C19orf25: variants seen among roughly 807,000 people sequenced by gnomAD.
C19orf25 encodes the protein chromosome 19 open reading frame 25.
In C19orf25, 1 loss-of-function variant was observed where a neutral mutation model predicts 3.1. The ratio of observed to expected loss-of-function variants is 0.32; its 90% confidence interval spans 0.12 to 1.54. The LOEUF is 1.54. Ranked by LOEUF, C19orf25 falls within the 40% of genes most tolerant of loss-of-function variation. The pLI, the probability that C19orf25 is intolerant of heterozygous loss-of-function variation, is 0.38. For missense variants in C19orf25, 196 were observed against 160.4 expected (o/e 1.22, Z -1.20); for synonymous variants, 91 against 74.3 (o/e 1.23, Z -1.16).
At position 1,473,305 on chromosome 19, in the gene C19orf25, T is replaced by A. The variant is rs1227839874; in HGVS notation, c.*1727A>T. 2 of 152,282 alleles carry A rather than the reference T, an allele frequency of 1.3e-5. No homozygotes were observed. The highest frequency in any genetic ancestry group is 4.8e-5 in the African/African-American group (2 of 41,466). 9.4% of individuals were successfully genotyped at this position (152,282 alleles called of 1,614,324 possible). A position where few individuals can be genotyped will look rare whatever the true frequency, so the allele number is the denominator to read the frequency against. ...GCGGGTAGGTTCATCGCTGTCTATG[T>A]GCTGCCACAGAATTGCTGAGACCCC... On this transcript the variant is annotated 3_prime_UTR_variant, in exon 3 of 3. Coordinates refer to ENST00000585675, the MANE Select transcript of C19orf25 (RefSeq NM_152482.3).
Position 1,474,540 on chromosome 19 carries a change from A to C in C19orf25, c.*492T>G. ...GAAGATCAACGTGGCTTGTGGGAGG[A>C]GCCCGGGGCCCAGAAGGAAGTGGGG... On this transcript the variant is annotated 3_prime_UTR_variant, in exon 3 of 3. Transcript: ENST00000585675. 2.9e-6 allele frequency: 1 copy of C among 346,936 alleles called. No individual in the cohort carries two copies. The allele number at this position is 346,936 out of a possible 1,614,324, so 21.5% of individuals were successfully genotyped here.
chr19:1,478,702 G>A, intron 2 of C19orf25, 72 bp downstream of exon 2: 3 of 1,531,088 alleles, frequency 2.0e-6, no homozygotes, highest in South Asian at 1.2e-5. Flanking sequence ...GGAGTTAGGG[G>A]TGTGCTTCTC....
intron 1 of C19orf25, 108 bp downstream of exon 1, chr19:1,479,055 G>A: frequency 7.3e-7 from 1 of 1,361,944 alleles, no homozygotes; most frequent in Non-Finnish European, 9.4e-7. Flanking sequence ...CTCGCCCCAG[G>A]CCCTGACCCT....
chr19:1,478,322 ACT>A (rs1568194192), intron 2 of C19orf25: 3 of 231,598 alleles, frequency 1.3e-5, no homozygotes, highest in Non-Finnish European at 2.5e-5. Flanking sequence ...CTCACTGCAA[ACT>A]CTGCATCCCG....
At position 1,473,421 on chromosome 19, in the gene C19orf25, T is replaced by C. The variant is rs576111497; in HGVS notation, c.*1611A>G. The C allele has an allele frequency of 9.2e-5, 14 of 152,396 alleles. No individual in the cohort carries two copies. The highest frequency in any genetic ancestry group is 6.8e-3 in the Middle Eastern group (2 of 294). 9.4% of individuals were successfully genotyped at this position (152,396 alleles called of 1,614,324 possible). ...CCACCCAGATGGGCCGGGGAGGCAC[T>C]GGCTGAGGCCAGGAGTCTCCCCCTG... On this transcript the variant is annotated 3_prime_UTR_variant, in exon 3 of 3. Coordinates refer to ENST00000585675, the MANE Select transcript of C19orf25 (RefSeq NM_152482.3).
intron 2 of C19orf25, chr19:1,475,889 G>T: frequency 3.6e-6 from 1 of 276,750 alleles, no homozygotes; most frequent in Non-Finnish European, 6.7e-6. Flanking sequence ...TTCCATTCCT[G>T]CAAAAGCCGT....
chr19:1,476,148 G>C (rs889408532), intron 2 of C19orf25: 2 of 398,596 alleles, frequency 5.0e-6, no homozygotes, highest in Admixed American at 4.4e-5. Flanking sequence ...AGTGCAGCAG[G>C]GCTGAAGCAG....
At position 1,474,704 on chromosome 19, in the gene C19orf25, T is replaced by C; in HGVS notation, c.*328A>G. 7.4e-6 allele frequency: 8 copies of C among 1,076,062 alleles called. No individual in the cohort carries two copies. In the South Asian group the frequency reaches 1.6e-4, roughly 21 times the overall value. The allele number at this position is 1,076,062 out of a possible 1,614,324, so 66.7% of individuals were successfully genotyped here. Reference sequence around the variant, plus strand: ...TGCCTGCCCCGGGAGAGGAAGGAGGTGGCACCTGCTCCCAGGGGCCCCACT... The same window carrying C: ...TGCCTGCCCCGGGAGAGGAAGGAGGCGGCACCTGCTCCCAGGGGCCCCACT... On this transcript the variant is annotated 3_prime_UTR_variant, in exon 3 of 3. Transcript: ENST00000585675.
intron 2 of C19orf25, 160 bp downstream of exon 2, chr19:1,478,614 T>TC (rs2084230444): frequency 7.1e-7 from 1 of 1,415,696 alleles, no homozygotes; most frequent in Non-Finnish European, 9.2e-7. Flanking sequence ...TCGGTCCCAC[T>TC]CTACGGAGGA....
chr19:1,476,532 A>G (rs1404096891), intron 2 of C19orf25: 7 of 377,232 alleles, frequency 1.9e-5, no homozygotes, highest in African/African-American at 1.5e-4. Flanking sequence ...GGCCCACAGA[A>G]CCTTCCAGAT....
At chr19:1,475,619 G>A in intron 2 of C19orf25, 1 of 237,458 alleles carries the variant, frequency 4.2e-6, no homozygotes, top group Non-Finnish European at 8.4e-6. Context: ...AGACTGGGAG[G>A]CCGAGGCTGC....
Position 1,474,910 on chromosome 19 carries a change from C to A in C19orf25, c.*122G>T. 1 of 1,522,660 alleles carries A rather than the reference C, an allele frequency of 6.6e-7. No individual in the cohort carries two copies. The allele number at this position is 1,522,660 out of a possible 1,614,324, so 94.3% of individuals were successfully genotyped here. On this transcript the variant is annotated 3_prime_UTR_variant, in exon 3 of 3. Transcript: ENST00000585675. ...CGCAGCCCCAGCATCAGGAGGGGCG[C>A]CTGTGTCAACACCCACGTGGGCTGG...
At position 1,479,193 on chromosome 19, in the gene C19orf25, A is replaced by G; in HGVS notation, c.-33T>C. 1 of 1,261,784 alleles carries G rather than the reference A, an allele frequency of 7.9e-7. No individual in the cohort carries two copies. Among genetic ancestry groups the G allele is most frequent in the South Asian group, 2.4e-5 (1 of 40,868 alleles). The allele number at this position is 1,261,784 out of a possible 1,614,324, so 78.2% of individuals were successfully genotyped here. On this transcript the variant is annotated 5_prime_UTR_variant, in exon 1 of 3. Coordinates refer to ENST00000585675, the MANE Select transcript of C19orf25 (RefSeq NM_152482.3). ...CGCGGGACCCGAAAGCCCAGCGTCGACGACGCAGCCACTTCCGATTCCGGT... is the reference window on the plus strand; with the variant it reads ...CGCGGGACCCGAAAGCCCAGCGTCGGCGACGCAGCCACTTCCGATTCCGGT...
chr19:1,479,178 G>C lies in C19orf25; in HGVS notation c.-18C>G. ...CTCTTCCCACCTGGGCGCGGGACCC[G>C]AAAGCCCAGCGTCGACGACGCAGCC... is the stretch of plus-strand genomic sequence containing the variant. On this transcript the variant is annotated 5_prime_UTR_variant, in exon 1 of 3. Coordinates refer to ENST00000585675, the MANE Select transcript of C19orf25 (RefSeq NM_152482.3). 7.8e-7 allele frequency: 1 copy of C among 1,281,646 alleles called. No individual in the cohort carries two copies. The allele number at this position is 1,281,646 out of a possible 1,614,324, so 79.4% of individuals were successfully genotyped here. A position where few individuals can be genotyped will look rare whatever the true frequency, so the allele number is the denominator to read the frequency against.
At chr19:1,475,618 G>A (rs932534371) in intron 2 of C19orf25, 28 of 238,738 alleles carry the variant, frequency 1.2e-4, no homozygotes, top group Non-Finnish European at 1.5e-4. Flanking sequence ...GAGACTGGGA[G>A]GCCGAGGCTG....
intron 1 of C19orf25, 80 bp downstream of exon 1, chr19:1,479,083 C>CG: frequency 3.7e-6 from 5 of 1,362,716 alleles, no homozygotes; most frequent in Non-Finnish European, 4.7e-6. Flanking sequence ...CCCAAAAACA[C>CG]GGTGGCCAAG....
rs561826271 is a variant in C19orf25 at position 1,473,480 on chromosome 19, A to G, written c.*1552T>C. The stretch of plus-strand genomic sequence containing the variant: ...GGAGGGCAGGCTCCAGGGGGTGCAC[A>G]GCACCCCAGACAGGGGGTCCAACCT... On this transcript the variant is annotated 3_prime_UTR_variant, in exon 3 of 3. Coordinates refer to ENST00000585675, the MANE Select transcript of C19orf25 (RefSeq NM_152482.3). The G allele has an allele frequency of 6.6e-6, 1 of 152,284 alleles. No homozygotes were observed. The highest frequency in any genetic ancestry group is 1.5e-5 in the Non-Finnish European group (1 of 68,076). The allele number at this position is 152,284 out of a possible 1,614,324, so 9.4% of individuals were successfully genotyped here. A position where few individuals can be genotyped will look rare whatever the true frequency, so the allele number is the denominator to read the frequency against.
rs767853056 is a variant in C19orf25, at chr19:1,475,194, T to A, written c.195A>T (p.Gln65His). 6.4e-7 allele frequency: 1 copy of A among 1,569,570 alleles called. No individual in the cohort carries two copies. Among genetic ancestry groups the A allele is most frequent in the African/African-American group, 1.4e-5 (1 of 73,744 alleles). ...AEAPGEQLYQ[Q>H]SRAYVAANQR... Reference sequence around the variant, plus strand: ...GGTTGGCAGCCACGTAGGCCCGGCTTTGCTGGTAGAGCTGCTCTCCCGGGG... The same window carrying A: ...GGTTGGCAGCCACGTAGGCCCGGCTATGCTGGTAGAGCTGCTCTCCCGGGG... Residue 65 changes from glutamine (Q) to histidine (H), a missense_variant, in exon 3 of 3, where the codon CAA becomes CAT. Coordinates refer to ENST00000585675, the MANE Select transcript of C19orf25 (RefSeq NM_152482.3).
In C19orf25 at chr19:1,474,772, A is replaced by G. The variant is rs265267; in HGVS notation, c.*260T>C. On this transcript the variant is annotated 3_prime_UTR_variant, in exon 3 of 3. Transcript: ENST00000585675. ...TGAGCTGACGACAGAATCACAGTAC[A>G]GCAATAATGTCCCTATCCTCTTCCA... is the stretch of plus-strand genomic sequence containing the variant. 0.013 allele frequency: 17,878 copies of G among 1,426,854 alleles called. 2,002 individuals are homozygous for G. The African/African-American group carries it at 0.23, about 18-fold the overall frequency. The allele number at this position is 1,426,854 out of a possible 1,614,324, so 88.4% of individuals were successfully genotyped here. A position where few individuals can be genotyped will look rare whatever the true frequency, so the allele number is the denominator to read the frequency against.
Sources: allele counts gnomAD v4.1 joint callset, GRCh38; gene constraint gnomAD v4.1.1; transcripts MANE v1.5; gene names NCBI Gene and HGNC (gene_info 2026-07-23, HGNC 2026-07-21).